Variants in MYH13 observed in about 807,000 individuals in gnomAD.
MYH13 encodes myosin heavy chain 13.
In MYH13, 177 loss-of-function variants were observed where a neutral mutation model predicts 232.1. The observed-to-expected ratio is 0.76, with a 90% CI of 0.67 to 0.86. The LOEUF (loss-of-function observed/expected upper bound fraction) is 0.86, where lower values mean the gene tolerates loss of function less well. MYH13 is among the 40% of genes least tolerant of loss of function. The pLI is 0.00. For missense variants in MYH13, 2,246 were observed against 2,405.9 expected (o/e 0.93, Z 1.39); for synonymous variants, 884 against 923.5 (o/e 0.96, Z 0.78).
At chr17:10,318,729 CA>C (rs1906810404) in intron 27 of MYH13, 60 bp downstream of exon 27, 1 of 1,599,724 alleles carries the variant, frequency 6.3e-7, no homozygotes, top group South Asian at 1.1e-5. Flanking sequence ...TACACGTGCC[CA>C]GGGGCAGGTG....
intron 12 of MYH13, among the ~76,000 whole-genome samples, chr17:10,349,531 C>A (rs1441994358): frequency 6.6e-6 from 1 of 152,034 alleles, no homozygotes; most frequent in Non-Finnish European, 1.5e-5. Context: ...AGAAGTGTTT[C>A]CTGTGTGAAG....
chr17:10,344,137 A>G (rs752624614), intron 15 of MYH13, 28 bp from the exon 16 acceptor site: 6 of 1,610,130 alleles, frequency 3.7e-6, no homozygotes, highest in East Asian at 4.5e-5. Context: ...GAGTCTACAT[A>G]TAATAGTGCA....
chr17:10,358,486 A>C (rs2071766290), intron 7 of MYH13, among the ~76,000 whole-genome samples: 1 of 152,140 alleles, frequency 6.6e-6, no homozygotes, highest in African/African-American at 2.4e-5. Context: ...AATGCCAGGT[A>C]TGGTAGTTCA....
At chr17:10,345,991 C>CAAAAAAAAAAAAAAAAAAAAAAAAAAAAA (rs1211414796) in intron 13 of MYH13, among the ~76,000 whole-genome samples, 2 of 83,054 alleles carry the variant, frequency 2.4e-5, no homozygotes, top group Admixed American at 1.7e-4. Context: ...GACTCTGTCT[C>CAAAAAAAAAAAAAAAAAAAAAAAAAAAAA]AAAAAAAAAA....
chr17:10,323,304 C>G (rs902034147), intron 23 of MYH13, among the ~76,000 whole-genome samples: 1 of 152,184 alleles, frequency 6.6e-6, no homozygotes, highest in African/African-American at 2.4e-5. Flanking sequence ...CTCAGTCAAT[C>G]CTTGGTGTTA....
chr17:10,312,771 AT>A lies in MYH13; in HGVS notation c.4182-15del, dbSNP rs202132532. 4,762 of 1,512,032 alleles carry A rather than the reference AT, an allele frequency of 3.1e-3. 68 individuals are homozygous for A. In the East Asian group the frequency reaches 0.036, roughly 11 times the overall value. The allele number at this position is 1,512,032 out of a possible 1,614,324, so 93.7% of individuals were successfully genotyped here. On this transcript the variant is annotated splice_polypyrimidine_tract_variant and intron_variant, in intron 30 of 40. Transcript: ENST00000252172. ...GCCAGTTTTTTCCTACGAAAACCAGATTTTTTTTTTCCCCTTCGCAAAGGTG... is the reference window on the plus strand; with the variant it reads ...GCCAGTTTTTTCCTACGAAAACCAGATTTTTTTTTCCCCTTCGCAAAGGTG...
At chr17:10,349,483 C>T (rs1252152922) in intron 12 of MYH13, among the ~76,000 whole-genome samples, 3 of 151,710 alleles carry the variant, frequency 2.0e-5, no homozygotes, top group Non-Finnish European at 1.5e-5. Context: ...CAAGTCAGTG[C>T]CCCTTCTATC....
Position 10,318,967 on chromosome 17 carries a change from C to T in MYH13, c.3561G>A (p.Leu1187=), listed in dbSNP as rs1906828551. Residue 1187 remains leucine (L), a synonymous_variant, in exon 27 of 41, where the codon CTG becomes CTA. Coordinates refer to ENST00000252172, the MANE Select transcript of MYH13 (RefSeq NM_003802.3). The part of the protein sequence containing the change: ...KMRRDLEEAT[L]QHEATAATLR... ...GGGTGGCTGCTGTGGCTTCGTGCTG[C>T]AGGGTGGCCTCCTCCAGGTCCCTGC... is the stretch of plus-strand genomic sequence containing the variant. 5.0e-6 allele frequency: 8 copies of T among 1,614,188 alleles called. No individual in the cohort carries two copies. The highest frequency in any genetic ancestry group is 6.8e-6 in the Non-Finnish European group (8 of 1,180,032).
At chr17:10,353,968 G>GAA (rs2071730206) in intron 11 of MYH13, among the ~76,000 whole-genome samples, 4 of 146,198 alleles carry the variant, frequency 2.7e-5, no homozygotes, top group Admixed American at 1.4e-4. Flanking sequence ...AGGAAGGAAG[G>GAA]GAAAGACTCT....
At chr17:10,317,466 C>G (rs889251313) in intron 27 of MYH13, 1 of 152,402 alleles carries the variant, frequency 6.6e-6, no homozygotes, top group Non-Finnish European at 1.5e-5. Context: ...CTCTAGTTCT[C>G]TGATTCATAT....
At position 10,357,864 on chromosome 17, in the gene MYH13, G is replaced by A. The variant is rs749815546; in HGVS notation, c.646-37C>T. The stretch of plus-strand genomic sequence containing the variant: ...CAAGAAGAGGAAAAAGAGGACTTTG[G>A]ATGGTTTTCTAAAGTAGCCCCTTGA... On this transcript the variant is annotated intron_variant, in intron 7 of 40. Coordinates refer to ENST00000252172, the MANE Select transcript of MYH13 (RefSeq NM_003802.3). The A allele has an allele frequency of 8.8e-6, 14 of 1,586,072 alleles. No homozygotes were observed. In the African/African-American group the frequency reaches 1.6e-4, roughly 18 times the overall value.
intron 29 of MYH13, among the ~76,000 whole-genome samples, chr17:10,315,324 G>A (rs996889047): frequency 5.9e-5 from 9 of 152,116 alleles, no homozygotes; most frequent in East Asian, 1.9e-4. Flanking sequence ...ATGGAGTCTC[G>A]CTCTGTCTTC....
rs1253724157 is a variant in MYH13 at position 10,315,906 on chromosome 17, G to C, written c.3858C>G (p.Thr1286=). The C allele has an allele frequency of 6.2e-7, 1 of 1,613,828 alleles. No individual in the cohort carries two copies. Among genetic ancestry groups the C allele is most frequent in the Admixed American group, 1.7e-5 (1 of 59,998 alleles). The change falls in exon 28 of 41, where the codon ACC becomes ACG. Residue 1286 remains threonine, a synonymous_variant. Coordinates refer to ENST00000252172, the MANE Select transcript of MYH13 (RefSeq NM_003802.3). ...DLNMQKARLQ[T]QNGELSHRVE... ...AGCCCTGCCCATTCTCACCATTTTG[G>C]GTCTGCAGTCTTGCTTTCTGCATGT...
chr17:10,310,150 G>A (rs1906458456), intron 33 of MYH13, among the ~76,000 whole-genome samples: 1 of 150,934 alleles, frequency 6.6e-6, no homozygotes, highest in Admixed American at 6.6e-5. Context: ...GAGTGCAGTG[G>A]CACAATCTCG....
chr17:10,371,114 G>T (rs181468769), intron 2 of MYH13, 95 bp downstream of exon 2: 188 of 152,096 alleles, frequency 1.2e-3, no homozygotes, highest in African/African-American at 4.4e-3. Context: ...CATCAATTTC[G>T]TCTTCTTATG....
At chr17:10,312,427 C>G (rs529907779) in intron 31 of MYH13, 147 bp downstream of exon 31, 2 of 962,082 alleles carry the variant, frequency 2.1e-6, no homozygotes, top group Admixed American at 2.7e-5. Context: ...GTATCTCACA[C>G]ATCTAAGCGT....
At chr17:10,361,700 C>T (rs1000995705) in intron 5 of MYH13, among the ~76,000 whole-genome samples, 3 of 152,172 alleles carry the variant, frequency 2.0e-5, no homozygotes, top group African/African-American at 7.2e-5. Context: ...TCCTTACTCC[C>T]CAGGTCATTC....
intron 18 of MYH13, among the ~76,000 whole-genome samples, chr17:10,338,002 G>A (rs1188967802): frequency 6.6e-6 from 1 of 152,068 alleles, no homozygotes; most frequent in South Asian, 2.1e-4. Flanking sequence ...GCAGTGAGCC[G>A]AGATCGTGCC....
intron 37 of MYH13, among the ~76,000 whole-genome samples, chr17:10,305,788 T>C (rs9906544): frequency 0.18 from 26,851 of 152,116 alleles, 2,671 homozygotes; most frequent in East Asian, 0.4. Flanking sequence ...AGAAACTGAA[T>C]AATAACTGCA....
Sources: gnomAD v4.1 joint callset for allele counts (sites outside exome capture counted in the v4.1 genomes callset) on GRCh38, gnomAD v4.1.1 for gene constraint, MANE v1.5 for transcripts, NCBI Gene and HGNC (gene_info 2026-07-23, HGNC 2026-07-21) for gene names.